EFHC2: variants seen among roughly 807,000 people sequenced by gnomAD.
EFHC2 encodes EF-hand domain containing 2, also known as EF-hand domain-containing family member C2.
A neutral mutation model predicts 52.7 loss-of-function variants in EFHC2; 18 were observed. The ratio of observed to expected loss-of-function variants is 0.34; its 90% CI spans 0.24 to 0.51. The LOEUF (loss-of-function observed/expected upper bound fraction) is 0.51, where lower values mean the gene tolerates loss of function less well. Among genes scored for constraint, EFHC2 ranks in the 20% least tolerant of loss-of-function variants. EFHC2 has a pLI of 0.97. For missense variants in EFHC2, 513 were observed against 562.5 expected, an observed-to-expected ratio of 0.91 and a Z score of 0.89; for synonymous variants, 203 against 204.1, an observed-to-expected ratio of 0.99 and a Z score of 0.04.
intron 2 of EFHC2, among the ~76,000 whole-genome samples, chrX:44,295,625 G>A (rs1569302992): frequency 9.0e-6 from 1 of 110,839 alleles, no homozygotes; most frequent in East Asian, 2.9e-4. Flanking sequence ...TGCCTTCAAC[G>A]GAGGCTACTC....
At chrX:44,163,634 A>G (rs1316843482) in intron 14 of EFHC2, among the ~76,000 whole-genome samples, 1 of 111,853 alleles carries the variant, frequency 8.9e-6, no homozygotes, top group African/African-American at 3.2e-5. Flanking sequence ...AACAGTGTTT[A>G]TATCTATTTA....
At chrX:44,161,311 G>T (rs950498656) in intron 14 of EFHC2, among the ~76,000 whole-genome samples, 1 of 111,918 alleles carries the variant, frequency 8.9e-6, no homozygotes, top group Non-Finnish European at 1.9e-5. Context: ...AAAGTTGTGG[G>T]AAGTGTTTAG....
Position 44,261,237 on chromosome X carries a change from A to G in EFHC2, c.444T>C (p.Thr148=), listed in dbSNP as rs773970808. ...CTGTGCCGACATTAAAATGATACACAGTATAAAACTGATCCTCATCAGGAG... is the reference window on the plus strand; with the variant it reads ...CTGTGCCGACATTAAAATGATACACGGTATAAAACTGATCCTCATCAGGAG... ...LPPPDEDQFY[T]VYHFNVGTEV... is the part of the protein sequence containing the mutation. Residue 148 remains threonine (T), a synonymous_variant, in exon 4 of 15, where the codon ACT becomes ACC. Coordinates refer to ENST00000420999, the MANE Select transcript of EFHC2 (RefSeq NM_025184.4). The G allele has an allele frequency of 2.5e-6, 3 of 1,208,991 alleles. No homozygotes were observed. Among genetic ancestry groups the G allele is most frequent in the Non-Finnish European group, 3.4e-6 (3 of 893,590 alleles).
chrX:44,184,448 C>T (rs1435614106), intron 11 of EFHC2, among the ~76,000 whole-genome samples: 1 of 111,662 alleles, frequency 9.0e-6, no homozygotes, highest in South Asian at 3.7e-4. Context: ...TCTGGCCGGG[C>T]GTGGTGGCTC....
intron 1 of EFHC2, among the ~76,000 whole-genome samples, chrX:44,338,219 G>C (rs929634442): frequency 9.0e-6 from 1 of 111,567 alleles, no homozygotes; most frequent in Non-Finnish European, 1.9e-5. Context: ...ATTAAGAAAG[G>C]CTGACAAGGC....
rs1422356611 is a variant in EFHC2, at chrX:44,148,612, G to C, written c.*183C>G. 8.1e-5 allele frequency: 32 copies of C among 393,420 alleles called. No individual in the cohort carries two copies. The East Asian group carries it at 1.4e-3, about 18-fold the overall frequency. The allele number at this position is 393,420 out of a possible 1,213,427, so 32.4% of individuals were successfully genotyped here. On this transcript the variant is annotated 3_prime_UTR_variant, in exon 15 of 15. Transcript: ENST00000420999. ...ATGGCATTTTAAATAGTAACAGTAC[G>C]TCGGCAATGTAACATGATGTTCTGT...
chrX:44,288,968 TAGAG>T (rs1326883507), intron 2 of EFHC2, among the ~76,000 whole-genome samples: 10 of 111,987 alleles, frequency 8.9e-5, no homozygotes, highest in South Asian at 3.7e-4. Context: ...AATATGGAAA[TAGAG>T]AGTAGCAGGA....
chrX:44,260,511 C>T (rs1263156815), intron 4 of EFHC2, among the ~76,000 whole-genome samples: 2 of 111,313 alleles, frequency 1.8e-5, no homozygotes, highest in African/African-American at 3.3e-5. Context: ...CTTACACTAG[C>T]TGGGGTCAGA....
At chrX:44,294,217 A>T (rs2037811590) in intron 2 of EFHC2, among the ~76,000 whole-genome samples, 1 of 105,964 alleles carries the variant, frequency 9.4e-6, no homozygotes. Context: ...TCATGTCAGC[A>T]CTCAAAAAGT....
chrX:44,308,411 T>C (rs1344326794), intron 2 of EFHC2, among the ~76,000 whole-genome samples: 1 of 110,007 alleles, frequency 9.1e-6, no homozygotes, highest in Non-Finnish European at 1.9e-5. Context: ...CATATTCTTG[T>C]ATTAAAAGAA....
At chrX:44,284,388 A>G (rs2037736190) in intron 2 of EFHC2, 1 of 111,910 alleles carries the variant, frequency 8.9e-6, no homozygotes, top group South Asian at 3.8e-4. Flanking sequence ...AGTGAGGGTC[A>G]AAATGAAACT....
intron 3 of EFHC2, among the ~76,000 whole-genome samples, chrX:44,264,444 G>T (rs1327674832): frequency 8.9e-6 from 1 of 112,038 alleles, no homozygotes; most frequent in Non-Finnish European, 1.9e-5. Context: ...TCTCCCAGGA[G>T]CCTGCAGATC....
chrX:44,303,914 C>T (rs930504449), intron 2 of EFHC2, among the ~76,000 whole-genome samples: 1 of 111,900 alleles, frequency 8.9e-6, no homozygotes, highest in African/African-American at 3.2e-5. Flanking sequence ...TTTATCTTGC[C>T]ACTTACTATA....
At chrX:44,186,023 T>C (rs1166570574) in intron 11 of EFHC2, among the ~76,000 whole-genome samples, 1 of 111,946 alleles carries the variant, frequency 8.9e-6, no homozygotes, top group Non-Finnish European at 1.9e-5. Context: ...ATTACTGTTG[T>C]ATGTAATCTT....
In EFHC2 at chrX:44,331,581, G is replaced by A. The variant is rs530115279; in HGVS notation, c.42+11966C>T. Among the ~76,000 whole-genome samples the A allele has an allele frequency of 1.3e-4, 15 of 111,947 alleles. No individual in the cohort carries two copies. In the South Asian group the frequency reaches 1.5e-3, roughly 11 times the overall value. On this transcript the variant is annotated intron_variant, in intron 1 of 14. Transcript: ENST00000420999. ...GGGAAATCTGAATAAGATCAGTGGA[G>A]TATATCAATGTCAAGATACTGATTG...
At chrX:44,246,147 C>T (rs2037399327) in intron 7 of EFHC2, among the ~76,000 whole-genome samples, 1 of 111,886 alleles carries the variant, frequency 8.9e-6, no homozygotes, top group Admixed American at 9.5e-5. Flanking sequence ...ATTGCTGAGA[C>T]CAGATGAACT....
intron 1 of EFHC2, among the ~76,000 whole-genome samples, 169 bp downstream of exon 1, chrX:44,343,378 A>G (rs2038164234): frequency 8.9e-6 from 1 of 111,838 alleles, no homozygotes; most frequent in Non-Finnish European, 1.9e-5. Flanking sequence ...ATTCAGATGC[A>G]GCTGGAGAGA....
chrX:44,316,087 C>G (rs758187073), intron 1 of EFHC2, among the ~76,000 whole-genome samples: 2 of 111,562 alleles, frequency 1.8e-5, no homozygotes, highest in Non-Finnish European at 3.8e-5. Context: ...ATCTAGGTTT[C>G]CATAATCACA....
intron 1 of EFHC2, among the ~76,000 whole-genome samples, chrX:44,331,787 G>A (rs766794470): frequency 1.8e-5 from 2 of 110,747 alleles, no homozygotes; most frequent in Non-Finnish European, 3.8e-5. Flanking sequence ...AGCCAGGTGT[G>A]GTGGTGTGCA....
Sources: gnomAD v4.1 joint callset for allele counts (sites outside exome capture counted in the v4.1 genomes callset) on GRCh38, gnomAD v4.1.1 for gene constraint, MANE v1.5 for transcripts, NCBI Gene and HGNC (gene_info 2026-07-23, HGNC 2026-07-21) for gene names.